PITPNC1: variants seen among roughly 807,000 people sequenced by gnomAD.
PITPNC1 encodes cytoplasmic phosphatidylinositol transfer protein 1.
In PITPNC1, 18 loss-of-function variants were observed where a neutral mutation model predicts 44.7. That is an observed-to-expected ratio of 0.40 (90% CI 0.28 to 0.60). The LOEUF (loss-of-function observed/expected upper bound fraction) is 0.60, where lower values mean the gene tolerates loss of function less well. PITPNC1 is among the 20% of genes least tolerant of loss of function. The pLI is 0.39. For missense variants in PITPNC1, 290 were observed against 418.4 expected (o/e 0.69, Z 2.68); for synonymous variants, 141 against 149.6 (o/e 0.94, Z 0.42).
intron 1 of PITPNC1, among the ~76,000 whole-genome samples, chr17:67,476,807 G>C (rs560504774): frequency 3.5e-4 from 53 of 152,098 alleles, no homozygotes; most frequent in African/African-American, 1.2e-3. Flanking sequence ...TAACGGGGCC[G>C]GGCCAGGGCT....
At chr17:67,634,402 A>G (rs1211192910) in intron 6 of PITPNC1, among the ~76,000 whole-genome samples, 1 of 150,682 alleles carries the variant, frequency 6.6e-6, no homozygotes, top group Non-Finnish European at 1.5e-5. Context: ...CATGGCAAAA[A>G]CTCTACTAAA....
At chr17:67,461,529 G>T (rs2039337512) in intron 1 of PITPNC1, among the ~76,000 whole-genome samples, 1 of 152,192 alleles carries the variant, frequency 6.6e-6, no homozygotes, top group African/African-American at 2.4e-5. Flanking sequence ...TGTGTTGGAG[G>T]GTGATGAAGT....
At chr17:67,444,420 G>GA (rs2039063365) in intron 1 of PITPNC1, among the ~76,000 whole-genome samples, 1 of 152,080 alleles carries the variant, frequency 6.6e-6, no homozygotes, top group African/African-American at 2.4e-5. Flanking sequence ...CTGGAGTGGG[G>GA]ACTGGGTGGC....
rs1270939610 is a variant in PITPNC1 at position 67,377,408 on chromosome 17, C to G, written c.-747C>G. 3.9e-5 allele frequency: 6 copies of G among 152,488 alleles called. No individual in the cohort carries two copies. Among genetic ancestry groups the G allele is most frequent in the African/African-American group, 1.4e-4 (6 of 41,404 alleles). The allele number at this position is 152,488 out of a possible 1,614,324, so 9.4% of individuals were successfully genotyped here. ...CGAGGGACTCGGGGGAGGGGACGCG[C>G]GCGGAAGGCGCCAGCTTCCTCCCGC... On this transcript the variant is annotated 5_prime_UTR_variant, in exon 1 of 9. Transcript: ENST00000581322.
At chr17:67,490,465 A>G (rs975217876) in intron 1 of PITPNC1, among the ~76,000 whole-genome samples, 2 of 152,152 alleles carry the variant, frequency 1.3e-5, no homozygotes, top group African/African-American at 4.8e-5. Flanking sequence ...TAGCTCTGAC[A>G]TACCACGACT....
chr17:67,515,570 A>G (rs2040249065), intron 1 of PITPNC1, among the ~76,000 whole-genome samples: 2 of 152,314 alleles, frequency 1.3e-5, no homozygotes, highest in South Asian at 2.1e-4. Context: ...TGCCTCCCCA[A>G]ATGCCATTAG....
At chr17:67,528,110 C>T (rs546007039) in intron 1 of PITPNC1, among the ~76,000 whole-genome samples, 26 of 152,236 alleles carry the variant, frequency 1.7e-4, no homozygotes, top group South Asian at 2.1e-4. Context: ...GGCGTGATGT[C>T]GGCTCACTGC....
intron 1 of PITPNC1, chr17:67,378,915 T>C (rs1283121201): frequency 2.1e-6 from 2 of 948,514 alleles, no homozygotes; most frequent in Non-Finnish European, 2.5e-6. Flanking sequence ...CAGCACGTGG[T>C]GCCGGGGCCG....
intron 5 of PITPNC1, among the ~76,000 whole-genome samples, chr17:67,625,638 C>T (rs1043422348): frequency 3.3e-5 from 5 of 152,160 alleles, no homozygotes; most frequent in African/African-American, 4.8e-5. Context: ...ACATCAGGAC[C>T]GCTGCCACTT....
At chr17:67,435,852 C>A (rs2038930572) in intron 1 of PITPNC1, among the ~76,000 whole-genome samples, 1 of 152,034 alleles carries the variant, frequency 6.6e-6, no homozygotes, top group African/African-American at 2.4e-5. Context: ...ACTTTGTCTA[C>A]CACCGCACCC....
At chr17:67,634,119 A>ACCC (rs1164087073) in intron 6 of PITPNC1, among the ~76,000 whole-genome samples, 1 of 152,148 alleles carries the variant, frequency 6.6e-6, no homozygotes, top group East Asian at 1.9e-4. Flanking sequence ...CTTTTCCTTC[A>ACCC]TGCTTCACAG....
At chr17:67,514,252 T>C (rs2040229511) in intron 1 of PITPNC1, among the ~76,000 whole-genome samples, 1 of 152,190 alleles carries the variant, frequency 6.6e-6, no homozygotes, top group East Asian at 1.9e-4. Context: ...GAGGCTGGAT[T>C]GCAGTGGTGT....
intron 6 of PITPNC1, among the ~76,000 whole-genome samples, chr17:67,635,969 T>C (rs1329575322): frequency 6.6e-6 from 1 of 152,040 alleles, no homozygotes; most frequent in Non-Finnish European, 1.5e-5. Flanking sequence ...ACTGCTAAAA[T>C]CCTCTACAGC....
intron 1 of PITPNC1, among the ~76,000 whole-genome samples, chr17:67,437,754 G>T (rs895725718): frequency 9.9e-5 from 15 of 152,100 alleles, no homozygotes; most frequent in Non-Finnish European, 1.8e-4. Context: ...CCCTGAGAAC[G>T]AATGAACAAA....
At chr17:67,665,295 G>A (rs1024104992) in intron 6 of PITPNC1, among the ~76,000 whole-genome samples, 4 of 152,150 alleles carry the variant, frequency 2.6e-5, no homozygotes, top group African/African-American at 9.7e-5. Context: ...GTTTTGCCAT[G>A]TTGCCCAGGC....
chr17:67,628,923 C>A (rs2041929697), intron 5 of PITPNC1, among the ~76,000 whole-genome samples: 1 of 152,194 alleles, frequency 6.6e-6, no homozygotes, highest in Non-Finnish European at 1.5e-5. Flanking sequence ...TGCAGTGGCC[C>A]TTTAGGGCCC....
intron 6 of PITPNC1, among the ~76,000 whole-genome samples, chr17:67,662,638 T>C (rs961198439): frequency 2.6e-5 from 4 of 152,190 alleles, no homozygotes; most frequent in South Asian, 4.1e-4. Flanking sequence ...ACTTTCTCCA[T>C]AGATTTGCCT....
chr17:67,602,194 T>C (rs2041548658), intron 5 of PITPNC1, among the ~76,000 whole-genome samples: 1 of 152,124 alleles, frequency 6.6e-6, no homozygotes, highest in Admixed American at 6.6e-5. Context: ...GTCTTCAGGG[T>C]AGGTTCAGCA....
chr17:67,382,948 A>G (rs911702187), intron 1 of PITPNC1, among the ~76,000 whole-genome samples: 58 of 152,128 alleles, frequency 3.8e-4, no homozygotes, highest in African/African-American at 1.3e-3. Flanking sequence ...TTAGACTTAG[A>G]AGGCGTATTG....
Sources: gnomAD v4.1 joint callset for allele counts (sites outside exome capture counted in the v4.1 genomes callset) on GRCh38, gnomAD v4.1.1 for gene constraint, MANE v1.5 for transcripts, NCBI Gene and HGNC (gene_info 2026-07-23, HGNC 2026-07-21) for gene names.